Variants in MLIP observed in about 807,000 individuals in gnomAD.
MLIP encodes muscular LMNA interacting protein.
MLIP carries 79 observed loss-of-function variants against 84.8 expected under a neutral mutation model. That is an observed-to-expected ratio of 0.93 (90% CI 0.78 to 1.12). The LOEUF is 1.12. MLIP is among the 50% of genes most tolerant of loss of function. MLIP has a pLI of 0.00. For synonymous variants in MLIP, 504 were observed against 463.0 expected (o/e 1.09, Z -1.14); for missense variants, 1,257 against 1,160.6 (o/e 1.08, Z -1.21).
At chr6:54,071,852 A>C (rs1177232294) in intron 1 of MLIP, among the ~76,000 whole-genome samples, 1 of 152,222 alleles carries the variant, frequency 6.6e-6, no homozygotes, top group Non-Finnish European at 1.5e-5. Context: ...ATGAAACATT[A>C]GCCATGAAGT....
chr6:54,252,556 T>C (rs1334917238), intron 12 of MLIP, among the ~76,000 whole-genome samples: 1 of 146,192 alleles, frequency 6.8e-6, no homozygotes, highest in Non-Finnish European at 1.5e-5. Flanking sequence ...ATATAACCTA[T>C]AACATATTAT....
chr6:54,203,285 G>A (rs892412960), intron 11 of MLIP, among the ~76,000 whole-genome samples: 2 of 152,066 alleles, frequency 1.3e-5, no homozygotes, highest in Non-Finnish European at 2.9e-5. Context: ...TTTATTGAGA[G>A]ATTGAAATAT....
At position 54,239,510 on chromosome 6, in the gene MLIP, C is replaced by T. The variant is rs143632249; in HGVS notation, c.2922+8593C>T. 4.7e-3 allele frequency among the ~76,000 whole-genome samples: 703 copies of T among 150,914 alleles called. 7 individuals carry two copies. Among genetic ancestry groups the T allele is most frequent in the Middle Eastern group, 0.027 (8 of 294 alleles). Reference sequence around the variant, plus strand: ...TTGAGGCTGGGTGTGGTGGCTCATGCCTGTAATCCTAGCACTTTGGGAGGC... The same window carrying T: ...TTGAGGCTGGGTGTGGTGGCTCATGTCTGTAATCCTAGCACTTTGGGAGGC... On this transcript the variant is annotated intron_variant, in intron 12 of 13. Coordinates refer to ENST00000502396, the MANE Select transcript of MLIP (RefSeq NM_001281747.2).
intron 12 of MLIP, among the ~76,000 whole-genome samples, chr6:54,251,848 A>C (rs1215783312): frequency 1.3e-5 from 1 of 78,386 alleles, no homozygotes; most frequent in East Asian, 4.0e-4. Flanking sequence ...ATAACATATA[A>C]TATATAATAT....
intron 1 of MLIP, among the ~76,000 whole-genome samples, chr6:54,071,219 G>A (rs1370440575): frequency 6.6e-6 from 1 of 151,976 alleles, no homozygotes; most frequent in Non-Finnish European, 1.5e-5. Flanking sequence ...TTATGAGGAT[G>A]CATCTGCTTT....
intron 1 of MLIP, among the ~76,000 whole-genome samples, chr6:54,027,370 A>G (rs1763865907): frequency 8.9e-6 from 1 of 112,236 alleles, no homozygotes; most frequent in African/African-American, 3.8e-5. Context: ...TGGAATAAAA[A>G]AAATACACAC....
intron 1 of MLIP, among the ~76,000 whole-genome samples, chr6:54,033,583 A>G (rs1764262766): frequency 6.6e-6 from 1 of 152,010 alleles, no homozygotes; most frequent in African/African-American, 2.4e-5. Context: ...GTCTTAAGTC[A>G]GTGGCCCAGG....
At chr6:54,115,733 A>G (rs1030401006) in intron 1 of MLIP, among the ~76,000 whole-genome samples, 2 of 152,140 alleles carry the variant, frequency 1.3e-5, no homozygotes, top group Non-Finnish European at 2.9e-5. Flanking sequence ...AAGGGTATAG[A>G]CTGATGACAT....
At chr6:54,202,079 A>G in intron 10 of MLIP, 26 bp from the exon 11 acceptor site, 1 of 1,460,246 alleles carries the variant, frequency 6.8e-7, no homozygotes, top group Non-Finnish European at 9.1e-7. Context: ...TCCTGTTTTT[A>G]AAATATTTAT....
At chr6:54,215,224 G>T (rs1466882269) in intron 11 of MLIP, 2 of 1,531,068 alleles carry the variant, frequency 1.3e-6, no homozygotes, top group Admixed American at 4.0e-5. Flanking sequence ...CCCTATCCTT[G>T]TGGCTAGTTA....
intron 1 of MLIP, among the ~76,000 whole-genome samples, chr6:54,029,632 T>C (rs1447878907): frequency 6.6e-6 from 1 of 151,496 alleles, no homozygotes; most frequent in East Asian, 1.9e-4. Context: ...ACCCAGCAAC[T>C]TTTTTTTTCT....
At chr6:54,136,631 G>A (rs1771819478) in intron 3 of MLIP, 84 bp from the exon 4 acceptor site, 2 of 1,278,132 alleles carry the variant, frequency 1.6e-6, no homozygotes, top group Admixed American at 5.9e-5. Context: ...TAAATTGTTT[G>A]TATAATCGCA....
chr6:54,229,306 A>G (rs1780815185), intron 11 of MLIP, among the ~76,000 whole-genome samples: 1 of 152,258 alleles, frequency 6.6e-6, no homozygotes, highest in Non-Finnish European at 1.5e-5. Flanking sequence ...ATCAAACAAG[A>G]CACAGAACAT....
At chr6:54,234,321 G>A (rs527344374) in intron 12 of MLIP, among the ~76,000 whole-genome samples, 120 of 152,082 alleles carry the variant, frequency 7.9e-4, no homozygotes, top group African/African-American at 2.8e-3. Context: ...AGAGTATTAT[G>A]AAAATAAAAT....
intron 1 of MLIP, among the ~76,000 whole-genome samples, chr6:54,073,358 T>C (rs1216650580): frequency 6.6e-6 from 1 of 152,214 alleles, no homozygotes; most frequent in Non-Finnish European, 1.5e-5. Context: ...TGAATTGGCT[T>C]TGTGAATTAG....
At chr6:54,238,738 G>A (rs889972628) in intron 12 of MLIP, among the ~76,000 whole-genome samples, 2 of 152,168 alleles carry the variant, frequency 1.3e-5, no homozygotes, top group East Asian at 3.9e-4. Context: ...AGCAAAAATA[G>A]GATCTTTATA....
intron 3 of MLIP, among the ~76,000 whole-genome samples, chr6:54,136,461 C>T (rs1582238778): frequency 1.3e-5 from 2 of 152,150 alleles, no homozygotes; most frequent in African/African-American, 4.8e-5. Context: ...TCCAACTATG[C>T]AATACAATTT....
rs374976266 is a variant in MLIP at position 54,200,782 on chromosome 6, G to C, written c.2590-1323G>C. 3.2e-4 allele frequency among the ~76,000 whole-genome samples: 48 copies of C among 152,248 alleles called. 1 individual carries two copies. In the East Asian group the frequency reaches 8.1e-3, roughly 26 times the overall value. ...TATTTCTCAGTTTGGGGAAGATAGA[G>C]ACTTGTCTCAATCTGTATTTTCCCA... On this transcript the variant is annotated intron_variant, in intron 10 of 13. Transcript: ENST00000502396.
At chr6:54,194,144 A>T (rs1399123835) in intron 10 of MLIP, among the ~76,000 whole-genome samples, 1 of 152,170 alleles carries the variant, frequency 6.6e-6, no homozygotes, top group Admixed American at 6.5e-5. Flanking sequence ...GAGTGCTTAA[A>T]CTTGCAAATA....
Sources: gnomAD v4.1 joint callset for allele counts (sites outside exome capture counted in the v4.1 genomes callset) on GRCh38, gnomAD v4.1.1 for gene constraint, MANE v1.5 for transcripts, NCBI Gene and HGNC (gene_info 2026-07-23, HGNC 2026-07-21) for gene names.